ALPK1: variants seen among roughly 807,000 people sequenced by gnomAD.
The protein encoded by ALPK1 is alpha-protein kinase 1.
A neutral mutation model predicts 120.6 loss-of-function variants in ALPK1; 110 were observed. The ratio of observed to expected loss-of-function variants is 0.91; its 90% CI spans 0.78 to 1.07. The LOEUF (loss-of-function observed/expected upper bound fraction) is 1.07, where lower values mean the gene tolerates loss of function less well. Among genes scored for constraint, ALPK1 ranks in the 50% least tolerant of loss-of-function variants. The pLI is 0.00. For synonymous variants in ALPK1, 582 were observed against 560.3 expected (o/e 1.04, Z -0.55); for missense variants, 1,498 against 1,483.9 (o/e 1.01, Z -0.16).
At chr4:112,389,500 C>A (rs961305853) in intron 4 of ALPK1, among the ~76,000 whole-genome samples, 1 of 152,168 alleles carries the variant, frequency 6.6e-6, no homozygotes, top group African/African-American at 2.4e-5. Flanking sequence ...TTGCTCCAGC[C>A]AAATGTCTGG....
At chr4:112,305,385 TG>T (rs1727994940) in intron 1 of ALPK1, among the ~76,000 whole-genome samples, 1 of 152,066 alleles carries the variant, frequency 6.6e-6, no homozygotes, top group Non-Finnish European at 1.5e-5. Flanking sequence ...TCCATGAGCA[TG>T]GAATGTTCTT....
At chr4:112,382,646 A>G in intron 4 of ALPK1, 94 bp downstream of exon 4, 1 of 1,558,710 alleles carries the variant, frequency 6.4e-7, no homozygotes, top group Non-Finnish European at 8.8e-7. Flanking sequence ...TTGAAGCACA[A>G]GACAGCCCCC....
intron 2 of ALPK1, among the ~76,000 whole-genome samples, chr4:112,325,302 A>G (rs1353041221): frequency 3.9e-5 from 6 of 152,232 alleles, no homozygotes; most frequent in African/African-American, 7.2e-5. Context: ...TTTACCAGCC[A>G]TGATTTTTTT....
At chr4:112,367,908 T>A (rs938563414) in intron 2 of ALPK1, among the ~76,000 whole-genome samples, 1 of 152,232 alleles carries the variant, frequency 6.6e-6, no homozygotes, top group African/African-American at 2.4e-5. Flanking sequence ...CTAATTATTT[T>A]TTTTTCTTTT....
At position 112,426,563 on chromosome 4, in the gene ALPK1, T is replaced by G. The variant is rs747882187; in HGVS notation, c.699+20T>G. On this transcript the variant is annotated intron_variant, in intron 8 of 15. Coordinates refer to ENST00000650871, the MANE Select transcript of ALPK1 (RefSeq NM_025144.4). ...AAAAAGGTGGTTTGTCTAGTGCTTC[T>G]TTTTCTCCTTTCCTGTATTTGTCTT... 28 of 1,507,858 alleles carry G rather than the reference T, an allele frequency of 1.9e-5. No homozygotes were observed. The highest frequency in any genetic ancestry group is 2.4e-5 in the Non-Finnish European group (27 of 1,129,260). The allele number at this position is 1,507,858 out of a possible 1,614,324, so 93.4% of individuals were successfully genotyped here.
chr4:112,413,450 G>A (rs764427363), intron 5 of ALPK1, among the ~76,000 whole-genome samples: 2 of 152,104 alleles, frequency 1.3e-5, no homozygotes, highest in South Asian at 2.1e-4. Context: ...AGACAGTCTC[G>A]CTCTGTTGCC....
intron 5 of ALPK1, among the ~76,000 whole-genome samples, chr4:112,423,237 A>T (rs1042241411): frequency 3.3e-5 from 5 of 152,234 alleles, no homozygotes; most frequent in Admixed American, 6.5e-5. Flanking sequence ...AAAGCGTTAC[A>T]CACTGAAATA....
chr4:112,336,135 A>T (rs1022666256), intron 2 of ALPK1, among the ~76,000 whole-genome samples: 3 of 152,156 alleles, frequency 2.0e-5, no homozygotes, highest in African/African-American at 7.2e-5. Flanking sequence ...GTACCCAATA[A>T]ATATTTGTTG....
chr4:112,349,703 A>AC (rs1343904310), intron 2 of ALPK1, among the ~76,000 whole-genome samples: 1 of 152,042 alleles, frequency 6.6e-6, no homozygotes, highest in Admixed American at 6.5e-5. Flanking sequence ...ACAGGCGTGT[A>AC]CCACCACGCC....
At chr4:112,351,210 G>C (rs2148710965) in intron 2 of ALPK1, among the ~76,000 whole-genome samples, 1 of 152,170 alleles carries the variant, frequency 6.6e-6, no homozygotes, top group South Asian at 2.1e-4. Context: ...ACCCATTCAT[G>C]ACCCGGAACA....
At chr4:112,423,745 C>T (rs1216725600) in intron 5 of ALPK1, 199 bp from the exon 6 acceptor site, 1 of 694,688 alleles carries the variant, frequency 1.4e-6, no homozygotes, top group Non-Finnish European at 2.6e-6. Context: ...AACTTCCCAC[C>T]TTACCAACTT....
intron 2 of ALPK1, among the ~76,000 whole-genome samples, chr4:112,316,628 C>T (rs149935161): frequency 7.8e-4 from 118 of 152,246 alleles, no homozygotes; most frequent in African/African-American, 2.6e-3. Flanking sequence ...ACATCCTTTC[C>T]AACATGTTAT....
chr4:112,382,662 T>G, intron 4 of ALPK1, 110 bp downstream of exon 4: 2 of 1,452,824 alleles, frequency 1.4e-6, no homozygotes, highest in Non-Finnish European at 1.9e-6. Context: ...CCCCCTACCC[T>G]TATGCTCAGC....
intron 5 of ALPK1, among the ~76,000 whole-genome samples, chr4:112,412,623 G>A (rs768515782): frequency 6.6e-6 from 1 of 152,086 alleles, no homozygotes; most frequent in East Asian, 1.9e-4. Context: ...AGGGGGGCCT[G>A]CTATGCGTTA....
At chr4:112,373,538 CT>C (rs1731511588) in intron 2 of ALPK1, among the ~76,000 whole-genome samples, 2 of 152,110 alleles carry the variant, frequency 1.3e-5, no homozygotes, top group African/African-American at 2.4e-5. Flanking sequence ...GCAAGTGTAC[CT>C]CAAAGATATT....
intron 2 of ALPK1, chr4:112,316,086 A>T (rs559305072): frequency 7.9e-4 from 121 of 152,378 alleles, no homozygotes; most frequent in African/African-American, 2.9e-3. Context: ...TGCACATTTC[A>T]ATGGTATTAA....
chr4:112,432,699 T>C, intron 11 of ALPK1, 118 bp downstream of exon 11: 1 of 934,754 alleles, frequency 1.1e-6, no homozygotes, highest in Non-Finnish European at 1.6e-6. Context: ...CTGGTATGCT[T>C]TGTGAGTTCA....
At chr4:112,349,809 C>G (rs1730269244) in intron 2 of ALPK1, among the ~76,000 whole-genome samples, 1 of 152,162 alleles carries the variant, frequency 6.6e-6, no homozygotes, top group African/African-American at 2.4e-5. Context: ...GCCTCGGCCT[C>G]CCAAAGTGCT....
At chr4:112,360,112 C>A (rs1381594489) in intron 2 of ALPK1, among the ~76,000 whole-genome samples, 1 of 152,134 alleles carries the variant, frequency 6.6e-6, no homozygotes, top group Non-Finnish European at 1.5e-5. Flanking sequence ...AACCCCCATA[C>A]TGCTCTATGT....
Sources: allele counts gnomAD v4.1 joint callset (sites outside exome capture counted in the v4.1 genomes callset), GRCh38; gene constraint gnomAD v4.1.1; transcripts MANE v1.5; gene names NCBI Gene and HGNC (gene_info 2026-07-23, HGNC 2026-07-21).